The following TMEM74 variants were observed in gnomAD, a reference collection of about 807,000 sequenced individuals.
TMEM74 encodes transmembrane protein 74.
In TMEM74, 13 loss-of-function variants were observed where a neutral mutation model predicts 18.1. That is an observed-to-expected ratio of 0.72 (90% CI 0.47 to 1.14). The LOEUF (loss-of-function observed/expected upper bound fraction) is 1.14, where lower values mean the gene tolerates loss of function less well. Among genes scored for constraint, TMEM74 ranks in the 50% most tolerant of loss-of-function variants. The probability of loss-of-function intolerance (pLI) is 0.00; values close to 1 mark genes in which losing one functional copy is unlikely to be tolerated. For synonymous variants in TMEM74, 159 were observed against 146.6 expected, an observed-to-expected ratio of 1.08 and a Z score of -0.61; for missense variants, 372 against 375.9, an observed-to-expected ratio of 0.99 and a Z score of 0.09.
intron 1 of TMEM74, among the ~76,000 whole-genome samples, chr8:108,760,526 T>C (rs1477837399): frequency 6.6e-6 from 1 of 152,010 alleles, no homozygotes; most frequent in African/African-American, 2.4e-5. Flanking sequence ...AGGCAGCAAA[T>C]GCTTGTGGCT....
chr8:108,628,073 A>G (rs1049499238), intron 2 of TMEM74, among the ~76,000 whole-genome samples: 1 of 151,978 alleles, frequency 6.6e-6, no homozygotes, highest in African/African-American at 2.4e-5. Flanking sequence ...TAAAAAATAA[A>G]ATAAAATAGT....
chr8:108,628,048 A>G (rs1278181272), intron 2 of TMEM74, among the ~76,000 whole-genome samples: 1 of 151,958 alleles, frequency 6.6e-6, no homozygotes, highest in Non-Finnish European at 1.5e-5. Context: ...ACAGACCAAA[A>G]CACTGTCTCA....
At chr8:108,630,240 G>C (rs572915845) in intron 2 of TMEM74, among the ~76,000 whole-genome samples, 2 of 151,678 alleles carry the variant, frequency 1.3e-5, no homozygotes, top group East Asian at 3.9e-4. Flanking sequence ...GACAAAGAAG[G>C]GCATTACATA....
chr8:108,651,248 G>T (rs561030885), intron 2 of TMEM74, among the ~76,000 whole-genome samples: 1 of 152,166 alleles, frequency 6.6e-6, no homozygotes, highest in South Asian at 2.1e-4. Context: ...CTTCAGTAAA[G>T]AATTTTGAAA....
intron 1 of TMEM74, among the ~76,000 whole-genome samples, chr8:108,728,849 G>A (rs1198072422): frequency 6.6e-6 from 1 of 152,166 alleles, no homozygotes; most frequent in African/African-American, 2.4e-5. Flanking sequence ...GCGTTAAGAA[G>A]CCATGTGTTT....
intron 2 of TMEM74, among the ~76,000 whole-genome samples, chr8:108,631,113 G>A (rs1373524764): frequency 6.6e-6 from 1 of 152,018 alleles, no homozygotes; most frequent in East Asian, 1.9e-4. Context: ...CATGGAGAGT[G>A]GCATGGGCTG....
chr8:108,728,963 G>A (rs1219842402), intron 1 of TMEM74, among the ~76,000 whole-genome samples: 2 of 152,190 alleles, frequency 1.3e-5, no homozygotes, highest in East Asian at 1.9e-4. Flanking sequence ...AGAAGTGCGA[G>A]AATTATAAAG....
chr8:108,615,976 G>T (rs1033951021), intron 2 of TMEM74, among the ~76,000 whole-genome samples: 3 of 151,878 alleles, frequency 2.0e-5, no homozygotes, highest in African/African-American at 7.3e-5. Context: ...TAGTAGAGAC[G>T]GGGTTTCACC....
rs116822283 is a variant in TMEM74 at position 108,711,218 on chromosome 8, C to T, written n.120-55781G>A. On this transcript the variant is annotated intron_variant and non_coding_transcript_variant, in intron 1 of 3. Transcript: ENST00000518838. ...CTGAGTGAAGAGCTTAAGTGATTTA[C>T]CTGAAGTTGTAGAGTTATTAAGTGG... Among the ~76,000 whole-genome samples, 734 of 152,228 alleles carry T rather than the reference C, an allele frequency of 4.8e-3. 5 individuals are homozygous for T. The highest frequency in any genetic ancestry group is 0.016 in the African/African-American group (670 of 41,522).
intron 1 of TMEM74, among the ~76,000 whole-genome samples, chr8:108,720,728 CTATTTATTTATT>C (rs3049754): frequency 2.7e-5 from 4 of 149,342 alleles, no homozygotes; most frequent in African/African-American, 7.4e-5. Context: ...TAAGATATAA[CTATTTATTTATT>C]TATTTATTTA....
At chr8:108,620,799 T>A (rs1445754045) in intron 2 of TMEM74, among the ~76,000 whole-genome samples, 1 of 152,122 alleles carries the variant, frequency 6.6e-6, no homozygotes, top group Non-Finnish European at 1.5e-5. Context: ...CCCTTTCACA[T>A]CCCTACTTTG....
chr8:108,651,061 G>T (rs540611550), intron 2 of TMEM74, among the ~76,000 whole-genome samples: 1 of 152,070 alleles, frequency 6.6e-6, no homozygotes, highest in South Asian at 2.1e-4. Context: ...ACTCTACACC[G>T]TTCTGTATCT....
intron 1 of TMEM74, among the ~76,000 whole-genome samples, chr8:108,723,439 C>T (rs377590713): frequency 6.6e-5 from 8 of 120,440 alleles, no homozygotes; most frequent in African/African-American, 2.7e-4. Context: ...ATCTATTTTT[C>T]GTGTGTATGT....
At chr8:108,610,050 A>G (rs537930664) in intron 2 of TMEM74, among the ~76,000 whole-genome samples, 2 of 152,344 alleles carry the variant, frequency 1.3e-5, no homozygotes, top group East Asian at 3.9e-4. Context: ...CCACCTGAAA[A>G]GATCATTAAA....
chr8:108,643,087 T>C (rs1350005983), intron 2 of TMEM74, among the ~76,000 whole-genome samples: 1 of 152,140 alleles, frequency 6.6e-6, no homozygotes, highest in African/African-American at 2.4e-5. Context: ...AAATTTGCAG[T>C]CTAATGGAGG....
intron 1 of TMEM74, among the ~76,000 whole-genome samples, chr8:108,723,188 T>G (rs1027350086): frequency 6.6e-6 from 1 of 152,222 alleles, no homozygotes; most frequent in African/African-American, 2.4e-5. Context: ...ATTCTGTTTT[T>G]AGCAAAACTG....
chr8:108,741,557 TTA>T (rs1352748592), intron 1 of TMEM74, among the ~76,000 whole-genome samples: 1 of 152,310 alleles, frequency 6.6e-6, no homozygotes, highest in Non-Finnish European at 1.5e-5. Flanking sequence ...GAAATGTAAA[TTA>T]TATGTTTACC....
chr8:108,616,444 T>C (rs1029679356), intron 2 of TMEM74, among the ~76,000 whole-genome samples: 14 of 150,664 alleles, frequency 9.3e-5, no homozygotes, highest in African/African-American at 3.5e-4. Context: ...GCACTCATTT[T>C]ATTTTATTAG....
intron 1 of TMEM74, among the ~76,000 whole-genome samples, chr8:108,666,464 G>C (rs1053182270): frequency 6.6e-6 from 1 of 152,086 alleles, no homozygotes; most frequent in African/African-American, 2.4e-5. Flanking sequence ...CCCCACCAGG[G>C]GGCTTCCTGG....
Sources: gnomAD v4.1 joint callset for allele counts (sites outside exome capture counted in the v4.1 genomes callset) on GRCh38, gnomAD v4.1.1 for gene constraint, MANE v1.5 for transcripts, NCBI Gene and HGNC (gene_info 2026-07-23, HGNC 2026-07-21) for gene names.